DCHS2: variants seen among roughly 807,000 people sequenced by gnomAD.
DCHS2 encodes dachsous cadherin-related 2, also known as protocadherin-23.
Under a neutral mutation model 182.4 loss-of-function variants are expected in DCHS2, and 142 were observed. The ratio of observed to expected loss-of-function variants is 0.78; its 90% CI spans 0.68 to 0.89. The LOEUF (loss-of-function observed/expected upper bound fraction) is 0.89, where lower values mean the gene tolerates loss of function less well. DCHS2 is among the 40% of genes least tolerant of loss of function. The pLI is 0.00. For missense variants in DCHS2, 4,319 were observed against 4,198.6 expected (o/e 1.03, Z -0.79); for synonymous variants, 1,740 against 1,663.3 (o/e 1.05, Z -1.12).
rs1734999631 is a variant in DCHS2 at position 154,461,266 on chromosome 4, A to T, written c.2052+28038T>A. Among the ~76,000 whole-genome samples the T allele has an allele frequency of 2.0e-5, 3 of 152,298 alleles. No homozygotes were observed. In the South Asian group the frequency reaches 6.2e-4, roughly 32 times the overall value. On this transcript the variant is annotated intron_variant, in intron 1 of 19. Coordinates refer to ENST00000357232, the MANE Select transcript of DCHS2 (RefSeq NM_001358235.2). ...TTATCCTTTTCTTCTATGAAATATC[A>T]TTTCTGTTTTCCTTCAGTGTCCATT...
At chr4:154,280,731 G>A (rs1374997675) in intron 13 of DCHS2, among the ~76,000 whole-genome samples, 4 of 151,722 alleles carry the variant, frequency 2.6e-5, no homozygotes, top group Admixed American at 2.0e-4. Flanking sequence ...ACATAATAAA[G>A]GCCATATCTA....
intron 14 of DCHS2, among the ~76,000 whole-genome samples, chr4:154,267,655 C>T (rs1037094535): frequency 6.6e-5 from 10 of 152,168 alleles, no homozygotes; most frequent in African/African-American, 2.4e-4. Context: ...GTTTTATGCC[C>T]TGGTGCTTCC....
At chr4:154,480,297 CA>C (rs1156922546) in intron 1 of DCHS2, among the ~76,000 whole-genome samples, 2 of 152,150 alleles carry the variant, frequency 1.3e-5, no homozygotes, top group African/African-American at 4.8e-5. Context: ...ATACCCATAA[CA>C]ATTGCTAATT....
At chr4:154,292,326 T>C (rs1734705116) in intron 13 of DCHS2, among the ~76,000 whole-genome samples, 1 of 152,214 alleles carries the variant, frequency 6.6e-6, no homozygotes, top group South Asian at 2.1e-4. Flanking sequence ...ACTGATGTCT[T>C]TGTCTGATTT....
At chr4:154,458,365 C>T (rs972230326) in intron 1 of DCHS2, among the ~76,000 whole-genome samples, 3 of 152,182 alleles carry the variant, frequency 2.0e-5, no homozygotes, top group African/African-American at 4.8e-5. Context: ...AAGCTCTATG[C>T]TTCCTAAGGA....
At chr4:154,319,902 C>T (rs1457098066) in intron 9 of DCHS2, among the ~76,000 whole-genome samples, 1 of 152,066 alleles carries the variant, frequency 6.6e-6, no homozygotes, top group Non-Finnish European at 1.5e-5. Flanking sequence ...TACTGCAGCA[C>T]CATCCACAAT....
At chr4:154,363,778 A>G (rs1730228542) in intron 3 of DCHS2, among the ~76,000 whole-genome samples, 1 of 152,186 alleles carries the variant, frequency 6.6e-6, no homozygotes, top group African/African-American at 2.4e-5. Flanking sequence ...TCGCTTCACA[A>G]TATACATACA....
chr4:154,474,209 C>A (rs1483396813), intron 1 of DCHS2, among the ~76,000 whole-genome samples: 1 of 152,188 alleles, frequency 6.6e-6, no homozygotes, highest in African/African-American at 2.4e-5. Flanking sequence ...GAATTAGGGT[C>A]CACTCTAAAT....
At chr4:154,413,595 G>A (rs574606186) in intron 1 of DCHS2, among the ~76,000 whole-genome samples, 131 of 152,274 alleles carry the variant, frequency 8.6e-4, no homozygotes, top group African/African-American at 3.0e-3. Flanking sequence ...GATGGATTAT[G>A]TCATCAGCTC....
At chr4:154,329,945 AT>A (rs1171783420) in intron 5 of DCHS2, among the ~76,000 whole-genome samples, 4 of 152,366 alleles carry the variant, frequency 2.6e-5, no homozygotes, top group Non-Finnish European at 5.9e-5. Context: ...TCCATCGATC[AT>A]TTGAACTAAT....
At chr4:154,458,524 G>T (rs750123629) in intron 1 of DCHS2, among the ~76,000 whole-genome samples, 30 of 151,704 alleles carry the variant, frequency 2.0e-4, no homozygotes, top group Non-Finnish European at 3.4e-4. Flanking sequence ...AGTTAAAAAG[G>T]GAATGATTGT....
intron 7 of DCHS2, among the ~76,000 whole-genome samples, chr4:154,324,818 G>C (rs927516615): frequency 2.6e-5 from 4 of 152,132 alleles, no homozygotes; most frequent in Non-Finnish European, 5.9e-5. Context: ...TGATTTCTAT[G>C]CTTTAATCCA....
At chr4:154,320,301 T>G in intron 9 of DCHS2, 78 bp downstream of exon 9, 1 of 1,526,994 alleles carries the variant, frequency 6.5e-7, no homozygotes, top group South Asian at 1.3e-5. Flanking sequence ...CTTAAAACTT[T>G]GTTAGGAGGG....
chr4:154,253,609 G>A (rs1341067222), intron 16 of DCHS2, among the ~76,000 whole-genome samples: 1 of 152,062 alleles, frequency 6.6e-6, no homozygotes, highest in Non-Finnish European at 1.5e-5. Flanking sequence ...ATGTAGCAGG[G>A]AATAGGTTTT....
intron 1 of DCHS2, among the ~76,000 whole-genome samples, chr4:154,457,269 C>T (rs1229442777): frequency 6.6e-6 from 1 of 152,178 alleles, no homozygotes; most frequent in Non-Finnish European, 1.5e-5. Flanking sequence ...CTAGTTCTGA[C>T]TCAAAGTTTA....
chr4:154,273,673 A>G (rs948393442), intron 13 of DCHS2, among the ~76,000 whole-genome samples: 1 of 152,072 alleles, frequency 6.6e-6, no homozygotes, highest in Non-Finnish European at 1.5e-5. Context: ...ATATATATGT[A>G]TATTCTAAAA....
intron 3 of DCHS2, among the ~76,000 whole-genome samples, chr4:154,352,793 T>A (rs1249918384): frequency 6.6e-6 from 1 of 152,220 alleles, no homozygotes; most frequent in Non-Finnish European, 1.5e-5. Context: ...TGGCTTTGGC[T>A]CTCAGGACAT....
At position 154,236,389 on chromosome 4, in the gene DCHS2, C is replaced by T. The variant is rs774648243; in HGVS notation, c.8263G>A (p.Val2755Met). ...AEKKHFSFAV[V>M]FVSVLDDNDH... ...TTATCATCCAGGACACTGACAAACA[C>T]AACTGCAAAAGAAAAATGTTTCTTT... is the stretch of plus-strand genomic sequence containing the variant. The change falls in exon 20 of 20, where the codon GTG (valine) becomes ATG (methionine). Residue 2755 changes from valine (V) to methionine (M), a missense_variant. Physicochemically the swap from Val to Met is conservative, Grantham distance 21. Coordinates refer to ENST00000357232, the MANE Select transcript of DCHS2 (RefSeq NM_001358235.2). 23 of 1,613,952 alleles carry T rather than the reference C, an allele frequency of 1.4e-5. No individual in the cohort carries two copies. In the East Asian group the frequency reaches 3.6e-4, roughly 25 times the overall value.
chr4:154,366,277 A>G lies in DCHS2; in HGVS notation c.2409T>C (p.Tyr803=), dbSNP rs1193893912. 5 of 1,613,912 alleles carry G rather than the reference A, an allele frequency of 3.1e-6. No individual in the cohort carries two copies. In the South Asian group the frequency reaches 5.5e-5, roughly 18 times the overall value. ...GAATAAGCTCATAAGCCACTGTCCC[A>G]TATATCCCAGAGTCCTGGTCAGTGG... ...VLATDQDSGI[Y]GTVAYELIPG... The change falls in exon 3 of 20, where the codon TAT becomes TAC. Residue 803 remains tyrosine (Y), a synonymous_variant. Coordinates refer to ENST00000357232, the MANE Select transcript of DCHS2 (RefSeq NM_001358235.2).
Sources: allele counts gnomAD v4.1 joint callset (sites outside exome capture counted in the v4.1 genomes callset), GRCh38; gene constraint gnomAD v4.1.1; transcripts MANE v1.5; gene names NCBI Gene and HGNC (gene_info 2026-07-23, HGNC 2026-07-21).